Variants in SLC1A1 observed in about 807,000 individuals in gnomAD.
SLC1A1 encodes the protein solute carrier family 1 member 1, also known as excitatory amino acid transporter 3.
In SLC1A1, 43 loss-of-function variants were observed where a neutral mutation model predicts 53.3. That is an observed-to-expected ratio of 0.81 (90% CI 0.63 to 1.04). The LOEUF is 1.04. SLC1A1 is among the 50% of genes least tolerant of loss of function. SLC1A1 has a pLI of 0.00. For synonymous variants in SLC1A1, 307 were observed against 243.2 expected, an observed-to-expected ratio of 1.26 and a Z score of -2.44; for missense variants, 748 against 664.9, an observed-to-expected ratio of 1.12 and a Z score of -1.37.
chr9:4,523,597 C>T (rs770469441), intron 1 of SLC1A1, among the ~76,000 whole-genome samples: 17 of 152,202 alleles, frequency 1.1e-4, no homozygotes, highest in Non-Finnish European at 2.2e-4. Context: ...CTCTCCTCAA[C>T]TTCTGACTCT....
intron 1 of SLC1A1, among the ~76,000 whole-genome samples, chr9:4,540,563 T>C (rs1459061157): frequency 6.6e-6 from 1 of 152,178 alleles, no homozygotes; most frequent in East Asian, 1.9e-4. Flanking sequence ...CACTAGACAC[T>C]GCCTCAGGAC....
chr9:4,571,305 A>G (rs1586830078), intron 6 of SLC1A1, among the ~76,000 whole-genome samples: 2 of 132,100 alleles, frequency 1.5e-5, no homozygotes, highest in African/African-American at 5.9e-5. Context: ...CCTGGGTGAT[A>G]AAATAATCTA....
chr9:4,561,008 CAA>C (rs1818885535), intron 2 of SLC1A1, among the ~76,000 whole-genome samples: 1 of 151,954 alleles, frequency 6.6e-6, no homozygotes, highest in Non-Finnish European at 1.5e-5. Context: ...AACAAACAAA[CAA>C]ACAAACAACA....
chr9:4,576,875 T>C (rs1450480479), intron 10 of SLC1A1, 112 bp downstream of exon 10: 23 of 999,482 alleles, frequency 2.3e-5, no homozygotes, highest in Non-Finnish European at 3.5e-5. Flanking sequence ...TTTTTCTTGA[T>C]CTATAAAGTC....
chr9:4,570,394 T>C (rs910340257), intron 6 of SLC1A1, among the ~76,000 whole-genome samples: 7 of 151,870 alleles, frequency 4.6e-5, no homozygotes, highest in East Asian at 3.9e-4. Context: ...TTTTTTGAGA[T>C]GGAGTCTGAC....
intron 2 of SLC1A1, chr9:4,554,141 T>A (rs1205547391): frequency 6.6e-6 from 1 of 152,156 alleles, no homozygotes; most frequent in Non-Finnish European, 1.5e-5. Context: ...GAAGACAGAT[T>A]AAGCCACTTT....
chr9:4,558,062 T>TG (rs1288129211), intron 2 of SLC1A1, among the ~76,000 whole-genome samples: 1 of 152,226 alleles, frequency 6.6e-6, no homozygotes, highest in East Asian at 1.9e-4. Flanking sequence ...ATTTGTATTA[T>TG]GATTATCATC....
intron 1 of SLC1A1, among the ~76,000 whole-genome samples, chr9:4,501,655 T>A (rs959078384): frequency 1.3e-5 from 2 of 151,472 alleles, no homozygotes; most frequent in Non-Finnish European, 2.9e-5. Flanking sequence ...TCCCAGCTAC[T>A]GGGGAGGCTG....
chr9:4,510,214 G>T (rs914450140), intron 1 of SLC1A1, among the ~76,000 whole-genome samples: 9 of 152,184 alleles, frequency 5.9e-5, no homozygotes, highest in Non-Finnish European at 1.0e-4. Context: ...GGCTTCCACA[G>T]CCTCTAGCTA....
At chr9:4,501,099 G>A (rs547027513) in intron 1 of SLC1A1, among the ~76,000 whole-genome samples, 55 of 152,120 alleles carry the variant, frequency 3.6e-4, no homozygotes, top group Non-Finnish European at 5.4e-4. Context: ...GTCCCTAACC[G>A]TGTCCAACAC....
intron 1 of SLC1A1, among the ~76,000 whole-genome samples, chr9:4,524,192 A>G (rs531375871): frequency 5.9e-5 from 9 of 152,250 alleles, no homozygotes; most frequent in Non-Finnish European, 1.2e-4. Flanking sequence ...TTCTTGATGT[A>G]GCAAGATTGT....
At chr9:4,522,372 C>A (rs1184532018) in intron 1 of SLC1A1, among the ~76,000 whole-genome samples, 1 of 152,012 alleles carries the variant, frequency 6.6e-6, no homozygotes, top group Non-Finnish European at 1.5e-5. Flanking sequence ...TTTAACAAGA[C>A]CCCAAGGTGA....
chr9:4,538,915 C>T (rs760784680), intron 1 of SLC1A1, among the ~76,000 whole-genome samples: 3 of 152,306 alleles, frequency 2.0e-5, no homozygotes, highest in Admixed American at 6.5e-5. Flanking sequence ...TCATCATCAA[C>T]GTTCATCTTA....
At chr9:4,541,659 G>C (rs1324380161) in intron 1 of SLC1A1, among the ~76,000 whole-genome samples, 1 of 152,210 alleles carries the variant, frequency 6.6e-6, no homozygotes, top group Non-Finnish European at 1.5e-5. Context: ...AAAGGTTACA[G>C]CTGCCTATTT....
intron 7 of SLC1A1, 61 bp from the exon 8 acceptor site, chr9:4,573,846 C>A (rs1483521442): frequency 2.6e-6 from 3 of 1,173,638 alleles, no homozygotes; most frequent in Non-Finnish European, 3.9e-6. Context: ...CCTTCCCCAC[C>A]AACCTAGCAT....
intron 1 of SLC1A1, among the ~76,000 whole-genome samples, chr9:4,498,086 G>C (rs1179949898): frequency 2.6e-5 from 4 of 152,174 alleles, no homozygotes; most frequent in Non-Finnish European, 5.9e-5. Context: ...ACCTCTGAGA[G>C]TCCTTCTAGC....
At chr9:4,529,029 T>G (rs954179085) in intron 1 of SLC1A1, among the ~76,000 whole-genome samples, 4 of 152,168 alleles carry the variant, frequency 2.6e-5, no homozygotes, top group Non-Finnish European at 5.9e-5. Context: ...TCATCTCTAC[T>G]GCCTTCCACC....
chr9:4,506,544 A>T (rs562354022), intron 1 of SLC1A1, among the ~76,000 whole-genome samples: 33 of 151,660 alleles, frequency 2.2e-4, no homozygotes, highest in African/African-American at 7.8e-4. Flanking sequence ...ATTTTCCAAT[A>T]ATCTCCAACT....
chr9:4,505,037 A>C (rs1030115148), intron 1 of SLC1A1, among the ~76,000 whole-genome samples: 5 of 116,818 alleles, frequency 4.3e-5, no homozygotes, highest in African/African-American at 1.5e-4. Flanking sequence ...GTATGTGTAC[A>C]TATATTTCTT....
Sources: gnomAD v4.1 joint callset for allele counts (sites outside exome capture counted in the v4.1 genomes callset) on GRCh38, gnomAD v4.1.1 for gene constraint, MANE v1.5 for transcripts, NCBI Gene and HGNC (gene_info 2026-07-23, HGNC 2026-07-21) for gene names.